Variants in SGCD observed in about 807,000 individuals in gnomAD.
SGCD encodes the protein delta-sarcoglycan.
In SGCD, 18 loss-of-function variants were observed where a neutral mutation model predicts 36.6. That is an observed-to-expected ratio of 0.49 (90% CI 0.34 to 0.73). SGCD has a LOEUF of 0.73. SGCD is among the 30% of genes least tolerant of loss of function. SGCD has a pLI of 0.01. For synonymous variants in SGCD, 133 were observed against 130.6 expected (o/e 1.02, Z -0.12); for missense variants, 387 against 346.7 (o/e 1.12, Z -0.92).
chr5:156,170,959 T>C (rs1216001412), intron 3 of SGCD, among the ~76,000 whole-genome samples: 1 of 152,196 alleles, frequency 6.6e-6, no homozygotes, highest in East Asian at 1.9e-4. Context: ...ATTCACTACG[T>C]ACATTTTTAG....
intron 3 of SGCD, among the ~76,000 whole-genome samples, chr5:156,490,642 A>T (rs1755894105): frequency 1.3e-5 from 2 of 152,104 alleles, no homozygotes; most frequent in African/African-American, 4.8e-5. Flanking sequence ...AAAGTGTTTT[A>T]TAAAATTCAA....
chr5:156,298,248 A>G (rs1354259140), intron 3 of SGCD, among the ~76,000 whole-genome samples: 2 of 152,152 alleles, frequency 1.3e-5, no homozygotes, highest in Admixed American at 6.6e-5. Flanking sequence ...TCTCTTTAAA[A>G]TACTAATTTC....
At chr5:156,043,008 C>T (rs1254823850) in intron 1 of SGCD, among the ~76,000 whole-genome samples, 2 of 152,124 alleles carry the variant, frequency 1.3e-5, no homozygotes, top group Non-Finnish European at 2.9e-5. Context: ...AACTATGTCT[C>T]TCAACATTAG....
At chr5:156,366,407 A>G (rs1465969848) in intron 3 of SGCD, among the ~76,000 whole-genome samples, 1 of 152,234 alleles carries the variant, frequency 6.6e-6, no homozygotes, top group Non-Finnish European at 1.5e-5. Context: ...AGATAGAAAG[A>G]TTTTAAAATC....
At chr5:155,767,619 G>A in the SGCD span, among the ~76,000 whole-genome samples, 1 of 152,122 alleles carries the variant, frequency 6.6e-6, no homozygotes, top group Non-Finnish European at 1.5e-5. Flanking sequence ...GAAGTACAGT[G>A]GAGCAAGTGT....
chr5:155,784,435 C>T, the SGCD span, among the ~76,000 whole-genome samples: 9 of 152,148 alleles, frequency 5.9e-5, no homozygotes, highest in South Asian at 2.1e-4. Context: ...AGTGCCATGC[C>T]GTTTTGGATT....
intron 7 of SGCD, among the ~76,000 whole-genome samples, chr5:156,670,332 T>C (rs555544176): frequency 6.6e-6 from 1 of 152,204 alleles, no homozygotes; most frequent in African/African-American, 2.4e-5. Flanking sequence ...CTTCCTCAAA[T>C]AGAGTAATGT....
intron 3 of SGCD, among the ~76,000 whole-genome samples, chr5:156,369,276 C>T (rs1023487172): frequency 1.3e-5 from 2 of 152,058 alleles, no homozygotes; most frequent in African/African-American, 4.8e-5. Flanking sequence ...TTCTTTATGT[C>T]CCTTAAGTGT....
intron 3 of SGCD, among the ~76,000 whole-genome samples, chr5:156,413,944 A>C (rs1307279610): frequency 1.3e-5 from 2 of 152,130 alleles, no homozygotes; most frequent in Non-Finnish European, 2.9e-5. Context: ...AAGTCATACG[A>C]GTTGCTTTCC....
At chr5:155,761,944 G>A in the SGCD span, among the ~76,000 whole-genome samples, 4 of 152,148 alleles carry the variant, frequency 2.6e-5, no homozygotes, top group African/African-American at 4.8e-5. Context: ...GCCAAAAAAT[G>A]TGCTAAGTAC....
rs979465397 is a variant in SGCD at position 156,029,393 on chromosome 5, GTTGTC to G, written c.-281-88479_-281-88475del. Among the ~76,000 whole-genome samples the G allele has an allele frequency of 4.7e-4, 71 of 152,096 alleles. 1 individual carries two copies. Among genetic ancestry groups the G allele is most frequent in the Non-Finnish European group, 1.3e-4 (9 of 68,016 alleles). On this transcript the variant is annotated intron_variant, in intron 1 of 9. Coordinates refer to the SGCD transcript ENST00000517913. ...ACAAACACACTCACTCACCCTTATAGTTGTCTTGTCATCCATCCATTCATTCATTC... is the reference window on the plus strand; with the variant it reads ...ACAAACACACTCACTCACCCTTATAGTTGTCATCCATCCATTCATTCATTC...
intron 4 of SGCD, among the ~76,000 whole-genome samples, chr5:156,524,287 T>TTATATA (rs5872468): frequency 0.017 from 2,231 of 130,160 alleles, 62 homozygotes; most frequent in African/African-American, 0.041. Context: ...ATATATATAG[T>TTATATA]TATATATATA....
At chr5:156,204,318 G>T (rs1764218843) in intron 3 of SGCD, among the ~76,000 whole-genome samples, 1 of 152,042 alleles carries the variant, frequency 6.6e-6, no homozygotes, top group African/African-American at 2.4e-5. Context: ...TGACTTTGTA[G>T]CTCATGTGAA....
At chr5:156,447,467 A>C (rs1188962096) in intron 3 of SGCD, among the ~76,000 whole-genome samples, 1 of 152,172 alleles carries the variant, frequency 6.6e-6, no homozygotes, top group Non-Finnish European at 1.5e-5. Context: ...CTTAATCAAA[A>C]TTCATCTTTC....
chr5:156,396,777 A>G (rs1313200915), intron 3 of SGCD, among the ~76,000 whole-genome samples: 1 of 152,216 alleles, frequency 6.6e-6, no homozygotes, highest in Non-Finnish European at 1.5e-5. Context: ...CTAAATGCTG[A>G]CCATGCACTG....
chr5:156,044,871 G>A (rs1463515463), intron 1 of SGCD, among the ~76,000 whole-genome samples: 2 of 152,066 alleles, frequency 1.3e-5, no homozygotes, highest in African/African-American at 4.8e-5. Context: ...TTTTACATAT[G>A]TGTGTGAATA....
intron 3 of SGCD, among the ~76,000 whole-genome samples, chr5:156,238,549 A>G (rs903263549): frequency 9.2e-5 from 14 of 152,210 alleles, no homozygotes; most frequent in African/African-American, 1.4e-4. Flanking sequence ...TTTATGTGAT[A>G]TAGTCCCCTG....
intron 3 of SGCD, among the ~76,000 whole-genome samples, chr5:156,308,238 G>C (rs1767285120): frequency 1.3e-5 from 2 of 151,996 alleles, no homozygotes; most frequent in Admixed American, 1.3e-4. Flanking sequence ...AGGGCAAAGG[G>C]AAAGCAAGGC....
chr5:156,465,966 G>A (rs2127822492), intron 3 of SGCD, among the ~76,000 whole-genome samples: 1 of 152,110 alleles, frequency 6.6e-6, no homozygotes, highest in East Asian at 1.9e-4. Flanking sequence ...TCAGAAGTTC[G>A]TAGTTGGTAT....
Sources: gnomAD v4.1 joint callset for allele counts (sites outside exome capture counted in the v4.1 genomes callset) on GRCh38, gnomAD v4.1.1 for gene constraint, MANE v1.5 for transcripts, NCBI Gene and HGNC (gene_info 2026-07-23, HGNC 2026-07-21) for gene names.